The following JADE1 variants were observed in gnomAD, a reference collection of about 807,000 sequenced individuals.
The protein encoded by JADE1 is protein Jade-1.
A neutral mutation model predicts 81.8 loss-of-function variants in JADE1; 14 were observed. The observed-to-expected ratio is 0.17, with a 90% CI of 0.11 to 0.27. The LOEUF (loss-of-function observed/expected upper bound fraction) is 0.27. JADE1 is among the 10% of genes least tolerant of loss of function. The pLI is 1.00. For synonymous variants in JADE1, 353 were observed against 391.9 expected (o/e 0.90, Z 1.17); for missense variants, 690 against 1,047.9 (o/e 0.66, Z 4.71).
At chr4:128,856,661 G>T (rs1730821462) in intron 7 of JADE1, among the ~76,000 whole-genome samples, 1 of 152,192 alleles carries the variant, frequency 6.6e-6, no homozygotes, top group Non-Finnish European at 1.5e-5. Context: ...GCATAGCTCA[G>T]TGTGAGAATA....
Position 128,852,287 on chromosome 4 carries a change from C to G in JADE1, c.696+19C>G. 1 of 1,607,108 alleles carries G rather than the reference C, an allele frequency of 6.2e-7. No homozygotes were observed. Among genetic ancestry groups the G allele is most frequent in the Non-Finnish European group, 8.5e-7 (1 of 1,173,922 alleles). ...GCACCAGGTATGTGGGGCAGGGAGG[C>G]CAGAAAGAAGAAACCTGGGGCATGA... On this transcript the variant is annotated intron_variant, in intron 6 of 10. Transcript: ENST00000226319.
intron 2 of JADE1, among the ~76,000 whole-genome samples, chr4:128,841,651 G>T (rs1056355173): frequency 4.4e-4 from 67 of 152,196 alleles, no homozygotes; most frequent in African/African-American, 1.6e-3. Flanking sequence ...ATGTGAAGGT[G>T]AAACTGGATC....
chr4:128,843,062 C>T (rs763369240), intron 3 of JADE1, 24 bp downstream of exon 3: 4 of 1,587,914 alleles, frequency 2.5e-6, no homozygotes, highest in Non-Finnish European at 2.6e-6. Flanking sequence ...GCTTGCCTGA[C>T]CGTGCATGAA....
At chr4:128,839,657 C>A (rs1729265999) in intron 2 of JADE1, among the ~76,000 whole-genome samples, 1 of 148,116 alleles carries the variant, frequency 6.8e-6, no homozygotes, top group South Asian at 2.1e-4. Flanking sequence ...AATATGGACT[C>A]TTTTTTTTTT....
rs1281020527 is a variant in JADE1 at position 128,873,281 on chromosome 4, G to GAAAAAA, written c.*1024_*1029dup. On this transcript the variant is annotated 3_prime_UTR_variant, in exon 11 of 11. Transcript: ENST00000226319. ...GAAAAAAAAAAAAAAAAGAAAAAAA[G>GAAAAAA]AAAAAAAAAAGAAAAAAGAAAAAAA... The GAAAAAA allele has an allele frequency of 9.5e-6, 1 of 105,638 alleles. No homozygotes were observed. Among genetic ancestry groups the GAAAAAA allele is most frequent in the Non-Finnish European group, 2.0e-5 (1 of 49,150 alleles). 6.5% of individuals were successfully genotyped at this position (105,638 alleles called of 1,614,324 possible).
At position 128,831,911 on chromosome 4, in the gene JADE1, T is replaced by C. The variant is rs191672266; in HGVS notation, c.52+101T>C. The C allele has an allele frequency of 2.0e-4, 213 of 1,070,858 alleles. 1 individual carries two copies. The Admixed American group carries it at 2.5e-3, about 12-fold the overall frequency. The allele number at this position is 1,070,858 out of a possible 1,614,324, so 66.3% of individuals were successfully genotyped here. A position where few individuals can be genotyped will look rare whatever the true frequency, so the allele number is the denominator to read the frequency against. On this transcript the variant is annotated intron_variant, in intron 2 of 10. Coordinates refer to ENST00000226319, the MANE Select transcript of JADE1 (RefSeq NM_199320.4). ...CTTTAAATTGCTGAGGCCCTTTGCA[T>C]GTCAGGCAGGTCAGAGAAAGCCAAA...
At chr4:128,828,813 T>A (rs1199124888) in intron 1 of JADE1, among the ~76,000 whole-genome samples, 1 of 152,192 alleles carries the variant, frequency 6.6e-6, no homozygotes, top group Non-Finnish European at 1.5e-5. Flanking sequence ...GAATCTAATT[T>A]TTAAATTTTT....
chr4:128,871,960 A>G lies in JADE1; in HGVS notation c.2227A>G (p.Ser743Gly). 1 of 1,614,052 alleles carries G rather than the reference A, an allele frequency of 6.2e-7. No homozygotes were observed. The highest frequency in any genetic ancestry group is 8.5e-7 in the Non-Finnish European group (1 of 1,179,970). ...TAVKVPTTPA[S>G]PVKNWGGFRI... Reference sequence around the variant, plus strand: ...AGTCAAAGTGCCTACAACACCTGCCAGCCCAGTGAAAAACTGGGGAGGATT... The same window carrying G: ...AGTCAAAGTGCCTACAACACCTGCCGGCCCAGTGAAAAACTGGGGAGGATT... Residue 743 changes from serine (S) to glycine (G), a missense_variant, in exon 11 of 11, where the codon AGC becomes GGC. This residue lies in a region of JADE1 where 218 missense variants were observed against 274.3 expected (regional missense o/e 0.79). Coordinates refer to ENST00000226319, the MANE Select transcript of JADE1 (RefSeq NM_199320.4). This position sits in a 1 kb window ranked among gnomAD's most constrained non-coding sequence, Gnocchi z 4.1.
chr4:128,824,981 C>G (rs1430820869), intron 1 of JADE1, among the ~76,000 whole-genome samples: 4 of 152,100 alleles, frequency 2.6e-5, no homozygotes, highest in African/African-American at 7.2e-5. Context: ...TCAAATCAGT[C>G]CTTGTTTCCC....
chr4:128,820,226 T>C (rs58296567), intron 1 of JADE1, among the ~76,000 whole-genome samples: 3,631 of 152,064 alleles, frequency 0.024, 119 homozygotes, highest in African/African-American at 0.074. Context: ...ATTCTCCTGC[T>C]TCAGCCTCCC....
At position 128,874,476 on chromosome 4, in the gene JADE1, AAAAAACAAAAC is replaced by A. The variant is rs1279742096; in HGVS notation, c.*2231_*2241del. 1 of 148,002 alleles carries A rather than the reference AAAAAACAAAAC, an allele frequency of 6.8e-6. No homozygotes were observed. Among genetic ancestry groups the A allele is most frequent in the African/African-American group, 2.6e-5 (1 of 38,302 alleles). 9.2% of individuals were successfully genotyped at this position (148,002 alleles called of 1,614,324 possible). The stretch of plus-strand genomic sequence containing the variant: ...AATGTTCCAAGTTATGCTGAACCAA[AAAAAACAAAAC>A]AAAAACAAAACAAAAAATATTAAAA... On this transcript the variant is annotated 3_prime_UTR_variant, in exon 11 of 11. Coordinates refer to ENST00000226319, the MANE Select transcript of JADE1 (RefSeq NM_199320.4).
At chr4:128,867,817 T>A in intron 9 of JADE1, 39 bp from the exon 10 acceptor site, 1 of 1,333,296 alleles carries the variant, frequency 7.5e-7, no homozygotes. Context: ...ACTGTTATAC[T>A]GTATTGCTTA....
chr4:128,853,347 C>G (rs1489617866), intron 6 of JADE1, among the ~76,000 whole-genome samples: 1 of 152,164 alleles, frequency 6.6e-6, no homozygotes, highest in Non-Finnish European at 1.5e-5. Context: ...TTAGAGGACA[C>G]AATTTGCCGT....
chr4:128,864,342 C>T (rs1005547564), intron 9 of JADE1: 218 of 643,000 alleles, frequency 3.4e-4, no homozygotes, highest in Non-Finnish European at 4.0e-4. Flanking sequence ...GAGACGGTTT[C>T]ACCATGTTGG....
chr4:128,843,051 T>C lies in JADE1; in HGVS notation c.138+13T>C, dbSNP rs776795342. The C allele has an allele frequency of 1.9e-6, 3 of 1,607,494 alleles. 1 individual carries two copies. The South Asian group carries it at 3.3e-5, about 18-fold the overall frequency. On this transcript the variant is annotated intron_variant, in intron 3 of 10. Coordinates refer to ENST00000226319, the MANE Select transcript of JADE1 (RefSeq NM_199320.4). Reference sequence around the variant, plus strand: ...AAAGCCTTCAGAGGTACTTCTTGAATGCTTGCCTGACCGTGCATGAATATA... The same window carrying C: ...AAAGCCTTCAGAGGTACTTCTTGAACGCTTGCCTGACCGTGCATGAATATA...
intron 9 of JADE1, among the ~76,000 whole-genome samples, chr4:128,865,665 T>A (rs1731728513): frequency 6.6e-6 from 1 of 152,170 alleles, no homozygotes; most frequent in Non-Finnish European, 1.5e-5. Context: ...AGGGCTGATT[T>A]GTTCCGATTG....
At chr4:128,862,542 G>A in intron 9 of JADE1, 2 of 1,175,172 alleles carry the variant, frequency 1.7e-6, no homozygotes, top group Non-Finnish European at 2.1e-6. Context: ...GAGCTAGAGT[G>A]AATGAGCCCC....
At chr4:128,815,587 A>T (rs973826755) in intron 1 of JADE1, among the ~76,000 whole-genome samples, 2 of 152,182 alleles carry the variant, frequency 1.3e-5, no homozygotes, top group East Asian at 3.8e-4. Flanking sequence ...GATTTATCAG[A>T]TGTTTGTGTT....
chr4:128,815,074 G>T (rs1447010958), intron 1 of JADE1, among the ~76,000 whole-genome samples: 1 of 146,166 alleles, frequency 6.8e-6, no homozygotes, highest in Non-Finnish European at 1.5e-5. Context: ...TTTTGAGACG[G>T]AGGCTTGCTC....
Sources: gnomAD v4.1 joint callset for allele counts (sites outside exome capture counted in the v4.1 genomes callset) on GRCh38, gnomAD v4.1.1 for gene constraint, gnomAD v4.1.1 regional missense constraint, Gnocchi (gnomAD v3.1) non-coding constraint, MANE v1.5 for transcripts, NCBI Gene and HGNC (gene_info 2026-07-23, HGNC 2026-07-21) for gene names.